The following SKAP1 variants were observed in gnomAD, a reference collection of about 807,000 sequenced individuals.
The protein encoded by SKAP1 is src kinase associated phosphoprotein 1.
In SKAP1, 44 loss-of-function variants were observed where a neutral mutation model predicts 58.5. That is an observed-to-expected ratio of 0.75 (90% CI 0.59 to 0.97). The LOEUF (loss-of-function observed/expected upper bound fraction) is 0.97, where lower values mean the gene tolerates loss of function less well. SKAP1 is among the 50% of genes least tolerant of loss of function. The pLI is 0.00. For missense variants in SKAP1, 390 were observed against 435.2 expected (o/e 0.90, Z 0.92); for synonymous variants, 127 against 149.7 (o/e 0.85, Z 1.11).
chr17:48,258,217 T>A (rs2957933), intron 4 of SKAP1, among the ~76,000 whole-genome samples: 120,378 of 152,032 alleles, frequency 0.79, 47,792 homozygotes, highest in East Asian at 0.95. Flanking sequence ...CTGAATGACA[T>A]CCATAAATTA....
In SKAP1 at chr17:48,275,559, G is replaced by C. The variant is rs1423802917; in HGVS notation, c.280+70346C>G. On this transcript the variant is annotated intron_variant, in intron 4 of 12. Coordinates refer to ENST00000336915, the MANE Select transcript of SKAP1 (RefSeq NM_003726.4). The stretch of plus-strand genomic sequence containing the variant: ...TTCATCTCTGAAAAGCCTTTCATTT[G>C]AAGTTTTGAACTTGTAATTCCATGT... 2.0e-5 allele frequency among the ~76,000 whole-genome samples: 3 copies of C among 152,120 alleles called. No homozygotes were observed. In the East Asian group the frequency reaches 5.8e-4, roughly 29 times the overall value.
chr17:48,358,280 TA>T (rs1392921589), intron 3 of SKAP1, among the ~76,000 whole-genome samples: 1 of 152,226 alleles, frequency 6.6e-6, no homozygotes, highest in East Asian at 1.9e-4. Context: ...TTTTCATAAA[TA>T]AAATTTAGTA....
chr17:48,215,834 G>T (rs1054106351), intron 4 of SKAP1, among the ~76,000 whole-genome samples: 2 of 152,068 alleles, frequency 1.3e-5, no homozygotes, highest in African/African-American at 2.4e-5. Context: ...GCTCTCCCTG[G>T]TTCTAATTGG....
intron 4 of SKAP1, among the ~76,000 whole-genome samples, chr17:48,322,541 T>A (rs945197008): frequency 6.6e-6 from 1 of 152,204 alleles, no homozygotes; most frequent in African/African-American, 2.4e-5. Context: ...ATAATATCTC[T>A]GAGCAAGTGG....
intron 4 of SKAP1, among the ~76,000 whole-genome samples, chr17:48,274,332 G>T (rs2065671781): frequency 6.6e-6 from 1 of 152,004 alleles, no homozygotes; most frequent in Non-Finnish European, 1.5e-5. Flanking sequence ...GGAAGCAGAG[G>T]TTGCAGTGAG....
intron 4 of SKAP1, among the ~76,000 whole-genome samples, chr17:48,198,102 AC>A (rs2064665437): frequency 6.6e-6 from 1 of 152,212 alleles, no homozygotes; most frequent in African/African-American, 2.4e-5. Flanking sequence ...CAATCGTGAA[AC>A]ATTGGTATAC....
Position 48,427,219 on chromosome 17 carries a change from G to C in SKAP1, c.46+2856C>G, listed in dbSNP as rs79496389. The stretch of plus-strand genomic sequence containing the variant: ...TGTGGCTTTTCTTGTTTTGTCTTTT[G>C]GTTTTCAAGCAAAAATGGGATATTA... On this transcript the variant is annotated intron_variant, in intron 1 of 12. Transcript: ENST00000336915. Among the ~76,000 whole-genome samples, 610 of 152,012 alleles carry C rather than the reference G, an allele frequency of 4.0e-3. 8 individuals carry two copies. Among genetic ancestry groups the C allele is most frequent in the African/African-American group, 0.014 (584 of 41,458 alleles).
chr17:48,277,005 T>C (rs1357291542), intron 4 of SKAP1, among the ~76,000 whole-genome samples: 1 of 152,224 alleles, frequency 6.6e-6, no homozygotes, highest in Non-Finnish European at 1.5e-5. Flanking sequence ...ATGAATCAGT[T>C]TCCTTTTGGT....
intron 12 of SKAP1, among the ~76,000 whole-genome samples, chr17:48,136,263 C>T (rs937632050): frequency 5.3e-5 from 8 of 152,022 alleles, no homozygotes; most frequent in African/African-American, 1.7e-4. Flanking sequence ...CCTATGCCTC[C>T]CGGGTTCAAG....
chr17:48,257,123 T>A (rs1036171283), intron 4 of SKAP1, among the ~76,000 whole-genome samples: 1 of 152,090 alleles, frequency 6.6e-6, no homozygotes, highest in African/African-American at 2.4e-5. Flanking sequence ...TACTGTCATT[T>A]AAAATTTTTT....
the SKAP1 span, among the ~76,000 whole-genome samples, chr17:48,439,860 C>T: frequency 6.6e-6 from 1 of 152,132 alleles, no homozygotes; most frequent in African/African-American, 2.4e-5. Flanking sequence ...TATATTCTGA[C>T]AATGTTGGGG....
chr17:48,152,104 A>G (rs1452849302), intron 11 of SKAP1, among the ~76,000 whole-genome samples: 1 of 152,204 alleles, frequency 6.6e-6, no homozygotes, highest in Non-Finnish European at 1.5e-5. Flanking sequence ...TTCTGAAACC[A>G]TTTCTATTAT....
chr17:48,436,818 C>T, the SKAP1 span, among the ~76,000 whole-genome samples: 3 of 152,172 alleles, frequency 2.0e-5, no homozygotes, highest in Non-Finnish European at 4.4e-5. Context: ...CTCCCAAGAG[C>T]ATCACTGACC....
intron 1 of SKAP1, among the ~76,000 whole-genome samples, chr17:48,407,810 T>C (rs374777536): frequency 3.3e-5 from 5 of 150,608 alleles, no homozygotes; most frequent in South Asian, 4.2e-4. Flanking sequence ...GCTGAGATCA[T>C]GCCACTGCAT....
chr17:48,420,111 G>T (rs965543972), intron 1 of SKAP1, among the ~76,000 whole-genome samples: 7 of 152,148 alleles, frequency 4.6e-5, no homozygotes, highest in African/African-American at 1.7e-4. Flanking sequence ...CGGAAACACA[G>T]GGGAAACAAA....
intron 8 of SKAP1, among the ~76,000 whole-genome samples, chr17:48,181,523 C>G (rs2064368991): frequency 6.6e-6 from 1 of 152,168 alleles, no homozygotes; most frequent in Non-Finnish European, 1.5e-5. Flanking sequence ...CTGAGTAAAA[C>G]AGGCAATTCT....
At chr17:48,203,418 G>A (rs1450709944) in intron 4 of SKAP1, among the ~76,000 whole-genome samples, 1 of 152,202 alleles carries the variant, frequency 6.6e-6, no homozygotes, top group African/African-American at 2.4e-5. Context: ...GCTCGGTATT[G>A]CTGTATAAGT....
In SKAP1 at chr17:48,154,442, C is replaced by A. The variant is rs566059741; in HGVS notation, c.978+8027G>T. ...TGGGCCATGAGAATACCTTCCCACC[C>A]CAGCTAAGCCACCGTGTAAGTATAA... On this transcript the variant is annotated intron_variant, in intron 11 of 12. Transcript: ENST00000336915. Among the ~76,000 whole-genome samples the A allele has an allele frequency of 3.0e-4, 46 of 152,266 alleles. No individual in the cohort carries two copies. The South Asian group carries it at 7.7e-3, about 25-fold the overall frequency.
the SKAP1 span, among the ~76,000 whole-genome samples, chr17:48,437,395 G>T: frequency 0.029 from 4,484 of 152,156 alleles, 246 homozygotes; most frequent in African/African-American, 0.1. Flanking sequence ...ACATTACAGG[G>T]TTATTATGAA....
Sources: gnomAD v4.1 joint callset for allele counts (sites outside exome capture counted in the v4.1 genomes callset) on GRCh38, gnomAD v4.1.1 for gene constraint, MANE v1.5 for transcripts, NCBI Gene and HGNC (gene_info 2026-07-23, HGNC 2026-07-21) for gene names.